CNTN4: variants seen among roughly 807,000 people sequenced by gnomAD.
CNTN4 encodes the protein contactin-4.
A neutral mutation model predicts 122.5 loss-of-function variants in CNTN4; 77 were observed. That is an observed-to-expected ratio of 0.63 (90% CI 0.52 to 0.76). CNTN4 has a LOEUF of 0.76. CNTN4 is among the 30% of genes least tolerant of loss of function. CNTN4 has a pLI of 0.00. For synonymous variants in CNTN4, 512 were observed against 447.0 expected (o/e 1.15, Z -1.83); for missense variants, 1,256 against 1,259.1 (o/e 1.00, Z 0.04).
intron 2 of CNTN4, among the ~76,000 whole-genome samples, chr3:2,106,496 G>A (rs2032453994): frequency 6.6e-6 from 1 of 152,200 alleles, no homozygotes; most frequent in South Asian, 2.1e-4. Flanking sequence ...AGCTGCCAAG[G>A]CTTGGGGCTT....
intron 3 of CNTN4, among the ~76,000 whole-genome samples, chr3:2,397,598 C>T (rs572008429): frequency 2.6e-4 from 40 of 151,852 alleles, no homozygotes; most frequent in Non-Finnish European, 4.9e-4. Context: ...ATGTTGCAAA[C>T]GCCACACTGC....
intron 14 of CNTN4, among the ~76,000 whole-genome samples, chr3:3,013,706 G>A (rs1559789316): frequency 6.6e-6 from 1 of 151,206 alleles, no homozygotes; most frequent in Admixed American, 6.6e-5. Flanking sequence ...GTAAACTATG[G>A]AATGATCTAC....
At chr3:2,125,500 T>C (rs12637200) in intron 2 of CNTN4, among the ~76,000 whole-genome samples, 3 of 152,126 alleles carry the variant, frequency 2.0e-5, no homozygotes, top group African/African-American at 7.2e-5. Flanking sequence ...ATCTTTGACA[T>C]CTTGACTTCA....
intron 10 of CNTN4, among the ~76,000 whole-genome samples, chr3:2,891,191 C>T (rs1022982923): frequency 1.3e-5 from 2 of 152,122 alleles, no homozygotes; most frequent in Non-Finnish European, 2.9e-5. Flanking sequence ...TGGCCAGGTG[C>T]AGTGGCTTAT....
At chr3:2,665,726 CCT>C (rs2084121438) in intron 4 of CNTN4, among the ~76,000 whole-genome samples, 1 of 152,134 alleles carries the variant, frequency 6.6e-6, no homozygotes, top group Admixed American at 6.5e-5. Context: ...CTTAGGTTAC[CCT>C]CTCAATCAAT....
intron 2 of CNTN4, among the ~76,000 whole-genome samples, chr3:2,272,847 A>G (rs2041355995): frequency 2.0e-5 from 3 of 151,926 alleles, no homozygotes; most frequent in Admixed American, 2.0e-4. Flanking sequence ...TGCCCTGGAC[A>G]TGAGGTGGTG....
At chr3:2,456,421 G>A (rs181912665) in intron 3 of CNTN4, among the ~76,000 whole-genome samples, 3 of 152,132 alleles carry the variant, frequency 2.0e-5, no homozygotes, top group Admixed American at 1.3e-4. Flanking sequence ...CATTTAGTAC[G>A]CTTACACCGA....
At chr3:2,682,718 A>G (rs2728018) in intron 4 of CNTN4, among the ~76,000 whole-genome samples, 77,029 of 151,944 alleles carry the variant, frequency 0.51, 21,532 homozygotes, top group African/African-American at 0.75. Context: ...AGATCTAGAC[A>G]AAAAGGATCA....
intron 13 of CNTN4, among the ~76,000 whole-genome samples, chr3:2,964,449 A>G (rs12715156): frequency 0.38 from 57,954 of 152,012 alleles, 11,705 homozygotes; most frequent in Non-Finnish European, 0.46. Flanking sequence ...CTAAAATTGG[A>G]AGACTTGAGG....
chr3:2,943,830 G>T (rs1337712848), intron 13 of CNTN4, among the ~76,000 whole-genome samples: 1 of 151,296 alleles, frequency 6.6e-6, no homozygotes, highest in Non-Finnish European at 1.5e-5. Context: ...CATCATGTTG[G>T]CGAGGTTGGT....
chr3:2,206,722 C>T (rs565087936), intron 2 of CNTN4, among the ~76,000 whole-genome samples: 1 of 152,120 alleles, frequency 6.6e-6, no homozygotes, highest in Admixed American at 6.6e-5. Flanking sequence ...ATAAGCATAG[C>T]TAGTATTTGC....
intron 4 of CNTN4, among the ~76,000 whole-genome samples, chr3:2,627,368 G>C (rs1470935713): frequency 6.6e-6 from 1 of 152,070 alleles, no homozygotes; most frequent in African/African-American, 2.4e-5. Context: ...ATTTCATGAA[G>C]CTGCCATTTT....
intron 4 of CNTN4, among the ~76,000 whole-genome samples, chr3:2,671,305 C>G (rs535945661): frequency 6.6e-6 from 1 of 152,086 alleles, no homozygotes; most frequent in African/African-American, 2.4e-5. Context: ...ATTCTTTTTT[C>G]TCTAAACTTC....
chr3:2,821,997 T>C (rs950303594), intron 7 of CNTN4, among the ~76,000 whole-genome samples: 1 of 152,194 alleles, frequency 6.6e-6, no homozygotes, highest in Non-Finnish European at 1.5e-5. Context: ...TAACAATTAG[T>C]AAAGGTGCTA....
chr3:2,956,256 G>C (rs763088545), intron 13 of CNTN4, among the ~76,000 whole-genome samples: 2 of 152,150 alleles, frequency 1.3e-5, no homozygotes, highest in Non-Finnish European at 1.5e-5. Flanking sequence ...GAGACAGAAA[G>C]TAGGATAATG....
chr3:2,874,014 T>A (rs1254965911), intron 8 of CNTN4, among the ~76,000 whole-genome samples: 1 of 152,174 alleles, frequency 6.6e-6, no homozygotes, highest in Non-Finnish European at 1.5e-5. Context: ...GTAAAACATG[T>A]TTTATGAGGA....
At chr3:2,579,072 C>T (rs1486799226) in intron 4 of CNTN4, among the ~76,000 whole-genome samples, 1 of 152,122 alleles carries the variant, frequency 6.6e-6, no homozygotes, top group Non-Finnish European at 1.5e-5. Flanking sequence ...AAGCACACAA[C>T]CCAAAAGTTA....
At chr3:2,533,147 A>G (rs1265157918) in intron 3 of CNTN4, among the ~76,000 whole-genome samples, 1 of 146,232 alleles carries the variant, frequency 6.8e-6, no homozygotes, top group Non-Finnish European at 1.5e-5. Context: ...TTTTTTTTTA[A>G]TTATACTTTA....
At chr3:2,430,195 G>T (rs755023910) in intron 3 of CNTN4, among the ~76,000 whole-genome samples, 1 of 151,936 alleles carries the variant, frequency 6.6e-6, no homozygotes, top group South Asian at 2.1e-4. Flanking sequence ...AGGCCGAGGC[G>T]GGTGGATCAC....
Sources: gnomAD v4.1 joint callset for allele counts (sites outside exome capture counted in the v4.1 genomes callset) on GRCh38, gnomAD v4.1.1 for gene constraint, MANE v1.5 for transcripts, NCBI Gene and HGNC (gene_info 2026-07-23, HGNC 2026-07-21) for gene names.